PPIE: variants seen among roughly 807,000 people sequenced by gnomAD.
PPIE encodes peptidyl-prolyl cis-trans isomerase E.
PPIE carries 20 observed loss-of-function variants against 38.4 expected under a neutral mutation model. The observed-to-expected ratio is 0.52, with a 90% confidence interval of 0.37 to 0.76. The LOEUF (loss-of-function observed/expected upper bound fraction) is 0.76, where lower values mean the gene tolerates loss of function less well. Among genes scored for constraint, PPIE ranks in the 30% least tolerant of loss-of-function variants. PPIE has a pLI of 0.00. For synonymous variants in PPIE, 142 were observed against 135.7 expected, an observed-to-expected ratio of 1.05 and a Z score of -0.32; for missense variants, 322 against 385.8, an observed-to-expected ratio of 0.83 and a Z score of 1.39.
intron 9 of PPIE, chr1:39,762,382 T>G (rs1557470193): frequency 8.4e-7 from 1 of 1,184,510 alleles, no homozygotes; most frequent in Admixed American, 2.9e-5. Flanking sequence ...CATAAGGCTG[T>G]GCAATACCAG....
At position 39,740,235 on chromosome 1, in the gene PPIE, T is replaced by TA; in HGVS notation, c.103dup (p.Ile35AsnfsTer8). On this transcript the variant is annotated frameshift_variant, in exon 2 of 10. Transcript: ENST00000324379. LOFTEE classifies it high-confidence loss of function. ...TCATTCCTTTTGGAGACATCACAGA[T>TA]ATTCAGATTCCTCTGGATTATGAAA... 1 of 1,614,168 alleles carries TA rather than the reference T, an allele frequency of 6.2e-7. No individual in the cohort carries two copies. Among genetic ancestry groups the TA allele is most frequent in the Non-Finnish European group, 8.5e-7 (1 of 1,179,986 alleles).
intron 7 of PPIE, chr1:39,747,784 G>A (rs1405678458): frequency 1.3e-5 from 2 of 152,120 alleles, no homozygotes; most frequent in Admixed American, 1.3e-4. Context: ...CTCTTAACAG[G>A]TGTGACATGG....
chr1:39,743,373 C>T (rs1034085692), intron 5 of PPIE, 76 bp downstream of exon 5: 1 of 1,326,764 alleles, frequency 7.5e-7, no homozygotes, highest in Non-Finnish European at 1.1e-6. Flanking sequence ...TCTCTATTTA[C>T]TTGGAAGTAG....
At chr1:39,745,639 T>TGC in intron 7 of PPIE, 141 bp downstream of exon 7, 2 of 1,347,334 alleles carry the variant, frequency 1.5e-6, no homozygotes, top group South Asian at 1.4e-5. Flanking sequence ...GATCCTGGGA[T>TGC]CTAGTAACAG....
chr1:39,739,766 G>A (rs774493339), intron 1 of PPIE, among the ~76,000 whole-genome samples: 1 of 152,128 alleles, frequency 6.6e-6, no homozygotes, highest in African/African-American at 2.4e-5. Flanking sequence ...AGGAAGCAAA[G>A]CAAAAAAGCT....
intron 8 of PPIE, among the ~76,000 whole-genome samples, chr1:39,749,679 T>C (rs1647506918): frequency 6.6e-6 from 1 of 152,150 alleles, no homozygotes; most frequent in South Asian, 2.1e-4. Flanking sequence ...ATGAGCTGTC[T>C]CTCCTAGGCC....
intron 9 of PPIE, chr1:39,763,208 G>T: frequency 1.2e-6 from 2 of 1,606,764 alleles, no homozygotes; most frequent in Non-Finnish European, 1.7e-6. Flanking sequence ...CAGTCCTGGG[G>T]GGCAAGGGAG....
chr1:39,752,081 CAG>C (rs1462953785), intron 8 of PPIE, among the ~76,000 whole-genome samples: 1 of 152,132 alleles, frequency 6.6e-6, no homozygotes, highest in African/African-American at 2.4e-5. Context: ...GCCTGGGTGA[CAG>C]AGTGATCCCC....
In PPIE at chr1:39,755,945, T is replaced by G. The variant is rs555697803; in HGVS notation, c.*2590T>G. 859 of 985,428 alleles carry G rather than the reference T, an allele frequency of 8.7e-4. 1 individual carries two copies. Among genetic ancestry groups the G allele is most frequent in the Non-Finnish European group, 9.8e-4 (816 of 829,930 alleles). 61.0% of individuals were successfully genotyped at this position (985,428 alleles called of 1,614,324 possible). A position where few individuals can be genotyped will look rare whatever the true frequency, so the allele number is the denominator to read the frequency against. On this transcript the variant is annotated 3_prime_UTR_variant, in exon 10 of 10. Transcript: ENST00000324379. Reference sequence around the variant, plus strand: ...AGTAGTAATGGAGTCCTGGGAGGTTTACTAGGCTTTAGCCTCAATCTGTGG... The same window carrying G: ...AGTAGTAATGGAGTCCTGGGAGGTTGACTAGGCTTTAGCCTCAATCTGTGG...
intron 2 of PPIE, among the ~76,000 whole-genome samples, chr1:39,741,150 T>C (rs553706802): frequency 6.6e-6 from 1 of 152,364 alleles, no homozygotes; most frequent in Admixed American, 6.5e-5. Flanking sequence ...AAATACAGTT[T>C]ACTATTCAGC....
chr1:39,753,279 C>A lies in PPIE; in HGVS notation c.838-8C>A. 6.2e-7 allele frequency: 1 copy of A among 1,613,848 alleles called. No individual in the cohort carries two copies. On this transcript the variant is annotated splice_region_variant and splice_polypyrimidine_tract_variant and intron_variant, in intron 9 of 9. Transcript: ENST00000324379. ...GCCTTACTCCCTCACTTCTATTCTG[C>A]CACAAAGGCCCAGGGCAGCAAGGAC...
chr1:39,743,322 C>G (rs777644409), intron 5 of PPIE, 25 bp downstream of exon 5: 3 of 1,604,704 alleles, frequency 1.9e-6, no homozygotes, highest in Non-Finnish European at 2.6e-6. Context: ...CTTCCAGATT[C>G]CCTGTGATGT....
downstream of PPIE, chr1:39,759,338 C>T (rs1354220543): frequency 6.6e-6 from 1 of 152,346 alleles, no homozygotes; most frequent in South Asian, 2.1e-4. Flanking sequence ...GGCCCCTGGC[C>T]TCGCCCCAGA....
At chr1:39,743,945 TC>T in intron 6 of PPIE, 21 bp downstream of exon 6, 1 of 1,580,694 alleles carries the variant, frequency 6.3e-7, no homozygotes, top group African/African-American at 1.3e-5. Context: ...AGCTCCTGCT[TC>T]CAGAGCACAG....
Position 39,753,362 on chromosome 1 carries a change from ACTCT to A in PPIE, c.*12_*15del, listed in dbSNP as rs1392183788. 2 of 1,613,364 alleles carry A rather than the reference ACTCT, an allele frequency of 1.2e-6. No individual in the cohort carries two copies. Among genetic ancestry groups the A allele is most frequent in the Non-Finnish European group, 1.7e-6 (2 of 1,179,560 alleles). On this transcript the variant is annotated 3_prime_UTR_variant, in exon 10 of 10. Coordinates refer to ENST00000324379, the MANE Select transcript of PPIE (RefSeq NM_006112.4). Reference sequence around the variant, plus strand: ...CTGTGGGGAGTACGTGTGAGGCGGCACTCTCTCTGCTTCCCCCTCCGCTCTTGAC... The same window carrying A: ...CTGTGGGGAGTACGTGTGAGGCGGCACTCTGCTTCCCCCTCCGCTCTTGAC...
intron 7 of PPIE, chr1:39,746,946 A>G (rs1469957798): frequency 6.6e-6 from 1 of 152,238 alleles, no homozygotes; most frequent in East Asian, 1.9e-4. Context: ...AAAGGTACCT[A>G]TTAAATAATA....
chr1:39,744,034 ATGAATAATGAATTCT>A, intron 6 of PPIE, 110 bp downstream of exon 6: 1 of 645,588 alleles, frequency 1.5e-6, no homozygotes, highest in Non-Finnish European at 2.6e-6. Context: ...AGTGGAGGGA[ATGAATAATGAATTCT>A]TAGTACTTTG....
chr1:39,752,848 C>A (rs1647879284), intron 8 of PPIE, 62 bp from the exon 9 acceptor site: 1 of 1,570,726 alleles, frequency 6.4e-7, no homozygotes, highest in African/African-American at 1.4e-5. Context: ...ACAGCCTGCA[C>A]AGACGTCCTT....
At chr1:39,751,689 G>A (rs1031297068) in intron 8 of PPIE, among the ~76,000 whole-genome samples, 1 of 152,126 alleles carries the variant, frequency 6.6e-6, no homozygotes, top group East Asian at 1.9e-4. Flanking sequence ...GGGCCAAGAG[G>A]ATATGAGACA....
Sources: gnomAD v4.1 joint callset for allele counts (sites outside exome capture counted in the v4.1 genomes callset) on GRCh38, gnomAD v4.1.1 for gene constraint, MANE v1.5 for transcripts, NCBI Gene and HGNC (gene_info 2026-07-23, HGNC 2026-07-21) for gene names.